Variants in SNX29 observed in about 807,000 individuals in gnomAD.
The protein encoded by SNX29 is sorting nexin-29.
In SNX29, 78 loss-of-function variants were observed where a neutral mutation model predicts 102.1. The observed-to-expected ratio is 0.76, with a 90% CI of 0.64 to 0.92. The LOEUF is 0.92. Ranked by LOEUF, SNX29 falls within the 40% of genes least tolerant of loss-of-function variation. SNX29 has a pLI of 0.00. For missense variants in SNX29, 1,280 were observed against 1,061.7 expected (o/e 1.21, Z -2.86); for synonymous variants, 580 against 414.5 (o/e 1.40, Z -4.85).
intron 13 of SNX29, among the ~76,000 whole-genome samples, chr16:12,199,145 T>C (rs2076852085): frequency 6.6e-6 from 1 of 152,222 alleles, no homozygotes; most frequent in East Asian, 1.9e-4. Flanking sequence ...TACAGACACT[T>C]GACATGATGC....
intron 14 of SNX29, among the ~76,000 whole-genome samples, chr16:12,215,927 C>A (rs2077311935): frequency 2.0e-5 from 3 of 152,112 alleles, no homozygotes; most frequent in African/African-American, 7.2e-5. Context: ...GCTGGCCCAT[C>A]AGGAGTGGTG....
At position 11,989,736 on chromosome 16, in the gene SNX29, A is replaced by G. The variant is rs1423567782; in HGVS notation, c.8-9561A>G. ...TTCTGTCTATGTCCGAGAGCTCACAATGCATAATCCCTCCCACGATGGGGA... is the reference window on the plus strand; with the variant it reads ...TTCTGTCTATGTCCGAGAGCTCACAGTGCATAATCCCTCCCACGATGGGGA... On this transcript the variant is annotated intron_variant, in intron 1 of 20. Coordinates refer to ENST00000566228, the MANE Select transcript of SNX29 (RefSeq NM_032167.5). Among the ~76,000 whole-genome samples the G allele has an allele frequency of 5.3e-5, 8 of 152,228 alleles. No individual in the cohort carries two copies. In the South Asian group the frequency reaches 1.0e-3, roughly 20 times the overall value.
intron 16 of SNX29, among the ~76,000 whole-genome samples, chr16:12,380,603 AT>A: frequency 9.6e-6 from 1 of 104,396 alleles, no homozygotes; most frequent in Non-Finnish European, 2.0e-5. Flanking sequence ...CCATCCACCC[AT>A]CCACCATCCA....
At chr16:12,169,238 G>A (rs1168768994) in intron 13 of SNX29, among the ~76,000 whole-genome samples, 8 of 152,232 alleles carry the variant, frequency 5.3e-5, no homozygotes, top group African/African-American at 1.4e-4. Flanking sequence ...CAAAGCTTCA[G>A]GGAGGCTGTC....
intron 16 of SNX29, among the ~76,000 whole-genome samples, chr16:12,380,984 TCCATCCACCCACCCA>T (rs1567503771): frequency 1.6e-5 from 1 of 61,176 alleles, no homozygotes. Flanking sequence ...CCACCATCCA[TCCATCCACCCACCCA>T]CCATCCATCC....
rs540348225 is a variant in SNX29, at chr16:12,091,676, A to G, written c.1402+12761A>G. Among the ~76,000 whole-genome samples the G allele has an allele frequency of 1.6e-3, 235 of 151,286 alleles. 1 individual carries two copies. The highest frequency in any genetic ancestry group is 1.8e-3 in the Non-Finnish European group (120 of 67,854). The stretch of plus-strand genomic sequence containing the variant: ...CGTGCCTGTTGTCCCAGCTACTTGG[A>G]AGTGAGCCCACTTTGAGGTGAGCCC... On this transcript the variant is annotated intron_variant, in intron 11 of 20. Coordinates refer to ENST00000566228, the MANE Select transcript of SNX29 (RefSeq NM_032167.5).
At chr16:12,559,956 G>C (rs963314381) in intron 20 of SNX29, among the ~76,000 whole-genome samples, 2 of 152,134 alleles carry the variant, frequency 1.3e-5, no homozygotes, top group East Asian at 1.9e-4. Context: ...TCCAGCCTGG[G>C]CAACAGAGCA....
rs1215790835 is a variant in SNX29 at position 12,463,853 on chromosome 16, T to TGTGA, written c.2038-13865_2038-13864insTGAG. ...GTGTGTGTGTGTGTGTGTGTGTGTG[T>TGTGA]GAGAGATGACACTTAAAGTTGGCTT... On this transcript the variant is annotated intron_variant, in intron 18 of 20. Transcript: ENST00000566228. Among the ~76,000 whole-genome samples the TGTGA allele has an allele frequency of 1.2e-3, 162 of 137,380 alleles. 3 individuals carry two copies. The highest frequency in any genetic ancestry group is 1.1e-3 in the African/African-American group (42 of 37,136). 90.1% of individuals were successfully genotyped at this position (137,380 alleles called of 152,430 possible). A position where few individuals can be genotyped will look rare whatever the true frequency, so the allele number is the denominator to read the frequency against.
At chr16:12,442,927 C>T in intron 18 of SNX29, 2 of 444,460 alleles carry the variant, frequency 4.5e-6, no homozygotes, top group South Asian at 3.2e-5. Context: ...TGGTTTGACA[C>T]TGAACTTTGA....
rs2076864791 is a variant in SNX29 at position 12,199,645 on chromosome 16, C to G, written c.1640C>G (p.Ala547Gly). 3 of 1,613,350 alleles carry G rather than the reference C, an allele frequency of 1.9e-6. No individual in the cohort carries two copies. Among genetic ancestry groups the G allele is most frequent in the Non-Finnish European group, 2.5e-6 (3 of 1,179,622 alleles). Reference protein sequence around the residue: ...LKVQLKKYVGAVQMLKREGQT... With the variant: ...LKVQLKKYVGGVQMLKREGQT... ...GTCCAACTGAAGAAATATGTAGGAGCTGTCCAGATGCTGAAAAGAGAAGGT... is the reference window on the plus strand; with the variant it reads ...GTCCAACTGAAGAAATATGTAGGAGGTGTCCAGATGCTGAAAAGAGAAGGT... Residue 547 changes from alanine (A) to glycine (G), a missense_variant, in exon 14 of 21, where the codon GCT (alanine) becomes GGT (glycine). Physicochemically the swap from Ala to Gly is moderately conservative, Grantham distance 60. Transcript: ENST00000566228.
At chr16:12,050,137 A>G (rs1239664491) in intron 7 of SNX29, among the ~76,000 whole-genome samples, 1 of 152,204 alleles carries the variant, frequency 6.6e-6, no homozygotes, top group African/African-American at 2.4e-5. Context: ...TGTAACAGAC[A>G]CTGAAATTTC....
chr16:12,047,530 C>A (rs2050136485), intron 6 of SNX29, among the ~76,000 whole-genome samples: 1 of 151,938 alleles, frequency 6.6e-6, no homozygotes, highest in African/African-American at 2.4e-5. Context: ...GTTTATGGAG[C>A]TGAGTGTTTT....
At chr16:12,375,818 G>A (rs922394385) in intron 16 of SNX29, 1 of 152,176 alleles carries the variant, frequency 6.6e-6, no homozygotes, top group African/African-American at 2.4e-5. Context: ...GTGCATTTGA[G>A]GTCAGGAGTT....
At chr16:12,467,662 C>T (rs7198160) in intron 18 of SNX29, among the ~76,000 whole-genome samples, 36,831 of 151,490 alleles carry the variant, frequency 0.24, 6,160 homozygotes, top group African/African-American at 0.47. Context: ...ATTCCATTCA[C>T]TCATTCATTC....
intron 11 of SNX29, among the ~76,000 whole-genome samples, chr16:12,124,509 C>T (rs945213023): frequency 6.6e-6 from 1 of 152,124 alleles, no homozygotes; most frequent in Non-Finnish European, 1.5e-5. Context: ...ATTTCCTTAG[C>T]GGAGTTGGTC....
chr16:12,078,271 T>C (rs1176238612), intron 10 of SNX29, among the ~76,000 whole-genome samples: 1 of 151,952 alleles, frequency 6.6e-6, no homozygotes, highest in Non-Finnish European at 1.5e-5. Flanking sequence ...GGTCAGGACT[T>C]TGAGACCAGT....
At chr16:11,986,332 T>C (rs2055623948) in intron 1 of SNX29, among the ~76,000 whole-genome samples, 1 of 149,554 alleles carries the variant, frequency 6.7e-6, no homozygotes, top group South Asian at 2.1e-4. Context: ...TTTCTTCGCT[T>C]GCATCTGTGT....
At chr16:12,394,214 A>G (rs1242226063) in intron 16 of SNX29, among the ~76,000 whole-genome samples, 1 of 152,114 alleles carries the variant, frequency 6.6e-6, no homozygotes, top group East Asian at 1.9e-4. Context: ...GTCCTTTCAG[A>G]TTTTCTTCAC....
intron 18 of SNX29, among the ~76,000 whole-genome samples, chr16:12,438,901 T>A (rs7498688): frequency 0.69 from 105,138 of 152,112 alleles, 37,404 homozygotes; most frequent in African/African-American, 0.87. Context: ...AAGATCTACC[T>A]GGCTGCAGAG....
Sources: gnomAD v4.1 joint callset for allele counts (sites outside exome capture counted in the v4.1 genomes callset) on GRCh38, gnomAD v4.1.1 for gene constraint, MANE v1.5 for transcripts, NCBI Gene and HGNC (gene_info 2026-07-23, HGNC 2026-07-21) for gene names.